Variants in AGBL1 observed in about 807,000 individuals in gnomAD.
The protein encoded by AGBL1 is AGBL carboxypeptidase 1.
A neutral mutation model predicts 118.9 loss-of-function variants in AGBL1; 130 were observed. That is an observed-to-expected ratio of 1.09 (90% CI 0.95 to 1.26). The LOEUF is 1.26. Ranked by LOEUF, AGBL1 falls within the 50% of genes most tolerant of loss-of-function variation. The pLI is 0.00. For missense variants in AGBL1, 1,584 were observed against 1,298.1 expected (o/e 1.22, Z -3.38); for synonymous variants, 555 against 478.9 (o/e 1.16, Z -2.08).
At chr15:86,351,234 G>C (rs913286813) in intron 17 of AGBL1, among the ~76,000 whole-genome samples, 2 of 152,160 alleles carry the variant, frequency 1.3e-5, no homozygotes, top group African/African-American at 2.4e-5. Context: ...GACTAGGTAA[G>C]AGAGAGGCAA....
At chr15:86,957,326 T>G (rs1344147316) in intron 23 of AGBL1, among the ~76,000 whole-genome samples, 1 of 152,092 alleles carries the variant, frequency 6.6e-6, no homozygotes, top group African/African-American at 2.4e-5. Flanking sequence ...CACATTGTAG[T>G]GAGGGGCCTA....
intron 22 of AGBL1, among the ~76,000 whole-genome samples, chr15:86,773,854 T>G (rs1379098777): frequency 2.0e-5 from 3 of 151,950 alleles, no homozygotes; most frequent in African/African-American, 7.3e-5. Context: ...TCCATGGGGT[T>G]TCAGAATGAA....
chr15:86,679,597 G>T (rs1027742323), intron 22 of AGBL1, among the ~76,000 whole-genome samples: 1 of 151,924 alleles, frequency 6.6e-6, no homozygotes. Context: ...AATGTTTAAG[G>T]CTGAGGCATT....
At chr15:86,439,949 T>A (rs574538908) in intron 18 of AGBL1, among the ~76,000 whole-genome samples, 2 of 152,280 alleles carry the variant, frequency 1.3e-5, no homozygotes, top group South Asian at 4.1e-4. Flanking sequence ...GTGGCCTTCA[T>A]CAGTACCCTA....
chr15:86,946,686 A>G (rs546012904), intron 23 of AGBL1, among the ~76,000 whole-genome samples: 1 of 151,990 alleles, frequency 6.6e-6, no homozygotes, highest in Non-Finnish European at 1.5e-5. Flanking sequence ...CGTCTCTACT[A>G]AAAATACAAA....
chr15:86,356,495 C>G (rs1449141106), intron 17 of AGBL1, among the ~76,000 whole-genome samples: 1 of 151,950 alleles, frequency 6.6e-6, no homozygotes, highest in Non-Finnish European at 1.5e-5. Context: ...ATAAGGGTGG[C>G]CTTGTTTTTT....
chr15:86,526,206 A>AGAAAC (rs2083260106), intron 19 of AGBL1, among the ~76,000 whole-genome samples: 1 of 152,098 alleles, frequency 6.6e-6, no homozygotes, highest in Non-Finnish European at 1.5e-5. Context: ...TTAAAAGATC[A>AGAAAC]AAAACAACAG....
intron 23 of AGBL1, among the ~76,000 whole-genome samples, chr15:86,933,472 C>G (rs72754070): frequency 0.039 from 5,930 of 152,218 alleles, 158 homozygotes; most frequent in Middle Eastern, 0.071. Context: ...TGTGACTTCC[C>G]CAATTGCTCT....
At chr15:86,647,909 T>C (rs2085311342) in intron 21 of AGBL1, among the ~76,000 whole-genome samples, 1 of 152,126 alleles carries the variant, frequency 6.6e-6, no homozygotes, top group South Asian at 2.1e-4. Flanking sequence ...TGCAGGTATC[T>C]GGTGGAAGAA....
At chr15:86,721,021 A>C (rs533520384) in intron 22 of AGBL1, among the ~76,000 whole-genome samples, 1 of 151,732 alleles carries the variant, frequency 6.6e-6, no homozygotes, top group African/African-American at 2.4e-5. Flanking sequence ...CTTACCAATC[A>C]AAAAAAGTCC....
intron 18 of AGBL1, among the ~76,000 whole-genome samples, chr15:86,431,948 G>A (rs1435142973): frequency 1.3e-5 from 2 of 152,084 alleles, no homozygotes; most frequent in East Asian, 3.9e-4. Context: ...TTGGCAACAC[G>A]ATAGCTCTGA....
chr15:86,473,503 T>A (rs967209105), intron 18 of AGBL1, among the ~76,000 whole-genome samples: 1 of 152,208 alleles, frequency 6.6e-6, no homozygotes, highest in African/African-American at 2.4e-5. Context: ...TTTTAGGGTA[T>A]AAAGTTTCAT....
At chr15:86,565,115 CCTT>C (rs1267550018) in intron 21 of AGBL1, among the ~76,000 whole-genome samples, 1 of 152,228 alleles carries the variant, frequency 6.6e-6, no homozygotes, top group Non-Finnish European at 1.5e-5. Context: ...TCGTCTGAAG[CCTT>C]CTTCTCTCAA....
chr15:86,609,916 A>G (rs543483412), intron 21 of AGBL1, among the ~76,000 whole-genome samples: 4 of 152,222 alleles, frequency 2.6e-5, no homozygotes, highest in African/African-American at 9.6e-5. Context: ...TCAAATTTTT[A>G]TCTTAACTTT....
At chr15:86,397,639 G>T in intron 18 of AGBL1, 93 bp downstream of exon 18, 10 of 1,171,812 alleles carry the variant, frequency 8.5e-6, no homozygotes, top group Non-Finnish European at 1.2e-5. Context: ...AGAGGCCTCG[G>T]TACTCTGTCG....
intron 22 of AGBL1, among the ~76,000 whole-genome samples, chr15:86,753,742 G>A (rs1203180045): frequency 1.3e-5 from 2 of 152,112 alleles, no homozygotes; most frequent in East Asian, 3.9e-4. Context: ...GGTCTGAAGA[G>A]TGAGGGGAGA....
intron 17 of AGBL1, among the ~76,000 whole-genome samples, chr15:86,361,370 A>G (rs369387800): frequency 5.3e-5 from 8 of 152,128 alleles, no homozygotes; most frequent in African/African-American, 1.9e-4. Context: ...TTAACTTGTG[A>G]TCTATCCTGG....
At chr15:86,087,717 T>G (rs1046904669) in intron 1 of AGBL1, among the ~76,000 whole-genome samples, 6 of 152,208 alleles carry the variant, frequency 3.9e-5, no homozygotes, top group Admixed American at 6.5e-5. Flanking sequence ...GGTTAGTGAA[T>G]TTTCCTTGAT....
intron 5 of AGBL1, among the ~76,000 whole-genome samples, chr15:86,221,365 C>T (rs2078278272): frequency 6.6e-6 from 1 of 152,168 alleles, no homozygotes; most frequent in Non-Finnish European, 1.5e-5. Flanking sequence ...GGGCTTGGCT[C>T]TTGGAGTGGA....
Sources: allele counts gnomAD v4.1 joint callset (sites outside exome capture counted in the v4.1 genomes callset), GRCh38; gene constraint gnomAD v4.1.1; transcripts MANE v1.5; gene names NCBI Gene and HGNC (gene_info 2026-07-23, HGNC 2026-07-21).